Variants in HIPK2 observed in about 807,000 individuals in gnomAD.
HIPK2 encodes homeodomain interacting protein kinase 2, also known as homeodomain-interacting protein kinase 2.
In HIPK2, 27 loss-of-function variants were observed where a neutral mutation model predicts 113.7. The ratio of observed to expected loss-of-function variants is 0.24; its 90% CI spans 0.17 to 0.33. The LOEUF is 0.33. Among genes scored for constraint, HIPK2 ranks in the 10% least tolerant of loss-of-function variants. HIPK2 has a pLI of 1.00. For synonymous variants in HIPK2, 631 were observed against 642.2 expected (o/e 0.98, Z 0.26); for missense variants, 1,257 against 1,588.0 (o/e 0.79, Z 3.54).
chr7:139,648,931 G>C (rs1361937090), intron 2 of HIPK2, among the ~76,000 whole-genome samples: 1 of 152,102 alleles, frequency 6.6e-6, no homozygotes, highest in Non-Finnish European at 1.5e-5. Context: ...GCGGGTGGAG[G>C]GGGAAGCAAA....
At chr7:139,635,674 G>T (rs1472200759) in intron 2 of HIPK2, among the ~76,000 whole-genome samples, 1 of 152,086 alleles carries the variant, frequency 6.6e-6, no homozygotes, top group Non-Finnish European at 1.5e-5. Flanking sequence ...CTGGCTAGGT[G>T]GCTGGGAGAC....
intron 12 of HIPK2, among the ~76,000 whole-genome samples, chr7:139,585,383 G>A (rs1268587652): frequency 6.6e-6 from 1 of 152,214 alleles, no homozygotes; most frequent in Non-Finnish European, 1.5e-5. Flanking sequence ...GGATCTGGGG[G>A]GTGCAGTCCC....
At chr7:139,662,340 G>C (rs1801893875) in intron 2 of HIPK2, among the ~76,000 whole-genome samples, 1 of 152,192 alleles carries the variant, frequency 6.6e-6, no homozygotes, top group Non-Finnish European at 1.5e-5. Flanking sequence ...GGATTTGTCT[G>C]TTATTTCCCT....
At chr7:139,751,699 T>C (rs1585454669) in intron 1 of HIPK2, among the ~76,000 whole-genome samples, 1 of 152,028 alleles carries the variant, frequency 6.6e-6, no homozygotes, top group South Asian at 2.1e-4. Flanking sequence ...CTAAACTGCA[T>C]GCATTGAGAG....
intron 1 of HIPK2, among the ~76,000 whole-genome samples, chr7:139,749,894 C>T (rs143085691): frequency 6.6e-6 from 1 of 152,318 alleles, no homozygotes; most frequent in East Asian, 1.9e-4. Context: ...GAGGAAATAA[C>T]ACCTCTGCCA....
chr7:139,593,074 T>C (rs1254957785), intron 12 of HIPK2, among the ~76,000 whole-genome samples: 4 of 152,238 alleles, frequency 2.6e-5, no homozygotes, highest in Non-Finnish European at 4.4e-5. Context: ...CACAGTGGCA[T>C]AGTGGTAGTC....
At chr7:139,680,154 A>G (rs1044121471) in intron 2 of HIPK2, among the ~76,000 whole-genome samples, 2 of 152,224 alleles carry the variant, frequency 1.3e-5, no homozygotes, top group Non-Finnish European at 2.9e-5. Flanking sequence ...GCATAAGTTC[A>G]GCATTTTCAA....
intron 9 of HIPK2, among the ~76,000 whole-genome samples, chr7:139,610,114 T>A (rs948003586): frequency 6.6e-6 from 1 of 152,196 alleles, no homozygotes; most frequent in East Asian, 1.9e-4. Flanking sequence ...GGTAAAGTTC[T>A]CCCCTGCTAC....
In HIPK2 at chr7:139,613,850, C is replaced by A. The variant is rs1799924732; in HGVS notation, c.1990+436G>T. ...CCAAAGAATTGTTTTGAGGAGGGGTCCCAGGGAAGTACTTTTCAGACTGAT... is the reference window on the plus strand; with the variant it reads ...CCAAAGAATTGTTTTGAGGAGGGGTACCAGGGAAGTACTTTTCAGACTGAT... On this transcript the variant is annotated intron_variant, in intron 8 of 14. Coordinates refer to ENST00000406875, the MANE Select transcript of HIPK2 (RefSeq NM_022740.5). This position sits in a 1 kb window ranked among gnomAD's most constrained non-coding sequence, Gnocchi z 4.2. Among the ~76,000 whole-genome samples, 1 of 152,058 alleles carries A rather than the reference C, an allele frequency of 6.6e-6. No homozygotes were observed.
intron 1 of HIPK2, among the ~76,000 whole-genome samples, chr7:139,759,941 T>C (rs186661679): frequency 1.3e-4 from 20 of 152,208 alleles, no homozygotes; most frequent in African/African-American, 4.8e-4. Context: ...TCAAAAGAAA[T>C]GTAGAGAGAA....
intron 2 of HIPK2, among the ~76,000 whole-genome samples, chr7:139,678,957 CTGTT>C (rs1238235138): frequency 2.0e-5 from 3 of 152,234 alleles, no homozygotes; most frequent in South Asian, 2.1e-4. Flanking sequence ...ATTTGGCTCT[CTGTT>C]TGTCTATTAT....
At chr7:139,718,818 T>C (rs1184328349) in intron 1 of HIPK2, among the ~76,000 whole-genome samples, 12 of 152,108 alleles carry the variant, frequency 7.9e-5, no homozygotes, top group African/African-American at 2.4e-4. Flanking sequence ...AACAGCCGCA[T>C]TCCCCCCTCT....
Position 139,613,447 on chromosome 7 carries a change from A to G in HIPK2, c.1991-124T>C. On this transcript the variant is annotated intron_variant, in intron 8 of 14. Transcript: ENST00000406875. The surrounding 1 kb of genome is among the most constrained non-coding windows in gnomAD (Gnocchi z 4.2). ...CCCTTTGCACTGGTCACTGACAACA[A>G]CCAGGTATTGCCTGGTCCTTGGAAG... The G allele has an allele frequency of 8.7e-7, 1 of 1,149,710 alleles. No individual in the cohort carries two copies. The highest frequency in any genetic ancestry group is 1.2e-6 in the Non-Finnish European group (1 of 819,832). 71.2% of individuals were successfully genotyped at this position (1,149,710 alleles called of 1,614,324 possible). A position where few individuals can be genotyped will look rare whatever the true frequency, so the allele number is the denominator to read the frequency against.
intron 2 of HIPK2, among the ~76,000 whole-genome samples, chr7:139,646,366 T>A (rs2116424013): frequency 6.6e-6 from 1 of 152,028 alleles, no homozygotes; most frequent in East Asian, 1.9e-4. Context: ...CAGGAGTGGT[T>A]GTACACACCT....
intron 13 of HIPK2, among the ~76,000 whole-genome samples, chr7:139,581,990 G>A (rs1028463276): frequency 1.3e-5 from 2 of 152,164 alleles, no homozygotes; most frequent in African/African-American, 4.8e-5. Context: ...ATATTTAAAG[G>A]ATAGCTGAGC....
rs1797982948 is a variant in HIPK2, at chr7:139,562,745, A to G, written c.*10182T>C. On this transcript the variant is annotated 3_prime_UTR_variant, in exon 15 of 15. Transcript: ENST00000406875. Reference sequence around the variant, plus strand: ...CCCCATGTGTGCGGAGTGGCCTGGGACACAGCCCATGCACGTCCAAGACAC... The same window carrying G: ...CCCCATGTGTGCGGAGTGGCCTGGGGCACAGCCCATGCACGTCCAAGACAC... 6.6e-6 allele frequency: 1 copy of G among 152,256 alleles called. No homozygotes were observed. The highest frequency in any genetic ancestry group is 1.5e-5 in the Non-Finnish European group (1 of 68,064). The allele number at this position is 152,256 out of a possible 1,614,324, so 9.4% of individuals were successfully genotyped here.
At chr7:139,747,046 C>T (rs116929852) in intron 1 of HIPK2, among the ~76,000 whole-genome samples, 39 of 152,348 alleles carry the variant, frequency 2.6e-4, no homozygotes, top group Non-Finnish European at 3.7e-4. Flanking sequence ...AATGACAACA[C>T]TCATTTGTCC....
chr7:139,608,417 G>A (rs963177576), intron 9 of HIPK2, among the ~76,000 whole-genome samples: 1 of 149,654 alleles, frequency 6.7e-6, no homozygotes, highest in African/African-American at 2.5e-5. Context: ...ATGGGGAGGA[G>A]ACATTAAGGA....
chr7:139,653,420 G>T (rs1419084839), intron 2 of HIPK2, among the ~76,000 whole-genome samples: 1 of 150,838 alleles, frequency 6.6e-6, no homozygotes, highest in Non-Finnish European at 1.5e-5. Flanking sequence ...ATGGGTGGTG[G>T]GATTTAGAGA....
Sources: allele counts gnomAD v4.1 joint callset (sites outside exome capture counted in the v4.1 genomes callset), GRCh38; gene constraint gnomAD v4.1.1; non-coding constraint Gnocchi (gnomAD v3.1); transcripts MANE v1.5; gene names NCBI Gene and HGNC (gene_info 2026-07-23, HGNC 2026-07-21).